Variants in VRK1 observed in about 807,000 individuals in gnomAD.
VRK1 encodes the protein serine/threonine-protein kinase VRK1.
In VRK1, 33 loss-of-function variants were observed where a neutral mutation model predicts 57.1. That is an observed-to-expected ratio of 0.58 (90% CI 0.44 to 0.77). VRK1 has a LOEUF of 0.77. Among genes scored for constraint, VRK1 ranks in the 30% least tolerant of loss-of-function variants. The pLI is 0.00. For synonymous variants in VRK1, 137 were observed against 147.8 expected (o/e 0.93, Z 0.53); for missense variants, 413 against 477.3 (o/e 0.87, Z 1.25).
intron 12 of VRK1, among the ~76,000 whole-genome samples, chr14:96,878,013 CT>C (rs1889111638): frequency 6.6e-6 from 1 of 152,036 alleles, no homozygotes; most frequent in African/African-American, 2.4e-5. Context: ...TTTGACCTAA[CT>C]TTTTCAGAAG....
At chr14:96,846,835 C>G (rs952551190) in intron 4 of VRK1, among the ~76,000 whole-genome samples, 2 of 151,504 alleles carry the variant, frequency 1.3e-5, no homozygotes, top group Admixed American at 1.3e-4. Flanking sequence ...TATAAGTAAT[C>G]TAGAGATGAG....
intron 1 of VRK1, among the ~76,000 whole-genome samples, chr14:96,811,923 TA>T (rs1449725072): frequency 2.0e-5 from 3 of 152,300 alleles, no homozygotes; most frequent in Admixed American, 2.0e-4. Context: ...TCATCAGTAC[TA>T]AAACCCCCTA....
At chr14:96,830,709 G>C (rs1346522255) in intron 1 of VRK1, among the ~76,000 whole-genome samples, 2 of 152,018 alleles carry the variant, frequency 1.3e-5, no homozygotes, top group African/African-American at 4.8e-5. Flanking sequence ...TTGTTGCTGA[G>C]TTTCGTATGC....
At chr14:96,866,605 G>A (rs1888596978) in intron 11 of VRK1, among the ~76,000 whole-genome samples, 1 of 152,132 alleles carries the variant, frequency 6.6e-6, no homozygotes, top group African/African-American at 2.4e-5. Flanking sequence ...CAAAATTACA[G>A]GTCCTGCTTT....
In VRK1 at chr14:96,853,174, TA is replaced by T; in HGVS notation, c.576+9del. On this transcript the variant is annotated intron_variant, in intron 7 of 12. Coordinates refer to ENST00000216639, the MANE Select transcript of VRK1 (RefSeq NM_003384.3). Reference sequence around the variant, plus strand: ...TACAAGAATCCTGACCAGGTAGTTTTATAACTTTAATTTCTACTATTTAAAG... The same window carrying T: ...TACAAGAATCCTGACCAGGTAGTTTTTAACTTTAATTTCTACTATTTAAAG... The T allele has an allele frequency of 6.2e-7, 1 of 1,609,976 alleles. No individual in the cohort carries two copies. Among genetic ancestry groups the T allele is most frequent in the Admixed American group, 1.7e-5 (1 of 60,014 alleles).
chr14:96,813,530 T>TA (rs1225375240), intron 1 of VRK1, among the ~76,000 whole-genome samples: 3 of 152,138 alleles, frequency 2.0e-5, no homozygotes, highest in East Asian at 1.9e-4. Flanking sequence ...GTTAGTATAT[T>TA]AAAAAAACAA....
Position 96,856,142 on chromosome 14 carries a change from G to T in VRK1, c.722G>T (p.Arg241Leu), listed in dbSNP as rs775747423. 1 of 1,613,512 alleles carries T rather than the reference G, an allele frequency of 6.2e-7. No homozygotes were observed. Among genetic ancestry groups the T allele is most frequent in the Non-Finnish European group, 8.5e-7 (1 of 1,179,784 alleles). ...CTTGCATTTGTAGCCCCATCAAGACGTGGTGATTTGGAAATACTTGGTTAT... is the reference window on the plus strand; with the variant it reads ...CTTGCATTTGTAGCCCCATCAAGACTTGGTGATTTGGAAATACTTGGTTAT... ...DAHNGVAPSRRGDLEILGYCM... is the reference protein window; with the variant it reads ...DAHNGVAPSRLGDLEILGYCM... The change falls in exon 9 of 13, where the codon CGT (arginine) becomes CTT (leucine). Residue 241 changes from arginine to leucine, a missense_variant. Coordinates refer to ENST00000216639, the MANE Select transcript of VRK1 (RefSeq NM_003384.3).
rs555020075 is a variant in VRK1, at chr14:96,839,084, GT to G, written c.216+1286del. Among the ~76,000 whole-genome samples, 209 of 112,386 alleles carry G rather than the reference GT, an allele frequency of 1.9e-3. 2 individuals are homozygous for G. The highest frequency in any genetic ancestry group is 3.0e-3 in the Admixed American group (33 of 11,004). 73.7% of individuals were successfully genotyped at this position (112,386 alleles called of 152,430 possible). ...CCTTGGAGGCAACCACTTGTCTTGA[GT>G]TTTTTTTTTTTTTTTTTTGCCGTGA... On this transcript the variant is annotated intron_variant, in intron 3 of 12. Coordinates refer to ENST00000216639, the MANE Select transcript of VRK1 (RefSeq NM_003384.3).
chr14:96,804,518 C>CAAGTGAAGGGAAGTAGAG (rs1214245543), intron 1 of VRK1, among the ~76,000 whole-genome samples: 1 of 151,968 alleles, frequency 6.6e-6, no homozygotes, highest in Admixed American at 6.6e-5. Flanking sequence ...GGGAGTCATG[C>CAAGTGAAGGGAAGTAGAG]AAGTGAAGGG....
chr14:96,877,443 C>T lies in VRK1; in HGVS notation c.1159+1323C>T. 6 of 1,251,308 alleles carry T rather than the reference C, an allele frequency of 4.8e-6. No individual in the cohort carries two copies. In the South Asian group the frequency reaches 7.5e-5, roughly 16 times the overall value. The allele number at this position is 1,251,308 out of a possible 1,614,324, so 77.5% of individuals were successfully genotyped here. A position where few individuals can be genotyped will look rare whatever the true frequency, so the allele number is the denominator to read the frequency against. ...GTCCCTCTCTTTTTCCCGCTGCTGT[C>T]TTCCTTTCGCTACTGTCTTTTTTCC... On this transcript the variant is annotated intron_variant, in intron 12 of 12. Transcript: ENST00000216639.
At chr14:96,801,247 CTAAGA>C (rs1345937406) in intron 1 of VRK1, among the ~76,000 whole-genome samples, 1 of 152,142 alleles carries the variant, frequency 6.6e-6, no homozygotes, top group Non-Finnish European at 1.5e-5. Flanking sequence ...TTAGACATAG[CTAAGA>C]TAACCACAGC....
At chr14:96,798,551 TTGTG>T (rs1008376663) in intron 1 of VRK1, among the ~76,000 whole-genome samples, 1 of 152,254 alleles carries the variant, frequency 6.6e-6, no homozygotes, top group Non-Finnish European at 1.5e-5. Flanking sequence ...TCATTAATTA[TTGTG>T]TGTGTGTTTT....
intron 1 of VRK1, among the ~76,000 whole-genome samples, chr14:96,807,756 A>C (rs965169473): frequency 2.0e-5 from 3 of 152,254 alleles, no homozygotes; most frequent in African/African-American, 7.2e-5. Flanking sequence ...ATGGGAGCTT[A>C]TGTTTGTCTT....
At chr14:96,872,467 T>A (rs1158799506) in intron 11 of VRK1, among the ~76,000 whole-genome samples, 2 of 152,170 alleles carry the variant, frequency 1.3e-5, no homozygotes, top group Non-Finnish European at 2.9e-5. Flanking sequence ...GAGGAGGTTA[T>A]GAAAATAGTT....
At chr14:96,815,781 C>T (rs1225150949) in intron 1 of VRK1, among the ~76,000 whole-genome samples, 8 of 151,630 alleles carry the variant, frequency 5.3e-5, no homozygotes, top group Admixed American at 2.6e-4. Flanking sequence ...GTCTGTAGTC[C>T]CAGCTGCTTG....
chr14:96,849,025 A>G (rs867600234), intron 5 of VRK1, among the ~76,000 whole-genome samples: 3 of 152,160 alleles, frequency 2.0e-5, no homozygotes, highest in East Asian at 1.9e-4. Flanking sequence ...GGAAGAGGGC[A>G]TGTGTGTAAG....
rs145030595 is a variant in VRK1 at position 96,810,936 on chromosome 14, T to C, written c.-6+13489T>C. 3.6e-3 allele frequency among the ~76,000 whole-genome samples: 554 copies of C among 151,828 alleles called. 5 individuals are homozygous for C. The highest frequency in any genetic ancestry group is 6.8e-3 in the Middle Eastern group (2 of 292). On this transcript the variant is annotated intron_variant, in intron 1 of 12. Coordinates refer to ENST00000216639, the MANE Select transcript of VRK1 (RefSeq NM_003384.3). The stretch of plus-strand genomic sequence containing the variant: ...TCCAAGATCACCTGTTCTTCTGATT[T>C]TTTTTTTTAATTTTTTTTTGAGATG...
At chr14:96,846,195 T>A in intron 4 of VRK1, 31 bp downstream of exon 4, 2 of 1,605,454 alleles carry the variant, frequency 1.2e-6, no homozygotes, top group Non-Finnish European at 1.7e-6. Flanking sequence ...ACGTTTACAC[T>A]TTTAAAATGA....
chr14:96,816,699 A>G (rs1886407183), intron 1 of VRK1, among the ~76,000 whole-genome samples: 1 of 152,176 alleles, frequency 6.6e-6, no homozygotes, highest in African/African-American at 2.4e-5. Context: ...AATACAAGGA[A>G]CAGATTAAGT....
Sources: gnomAD v4.1 joint callset for allele counts (sites outside exome capture counted in the v4.1 genomes callset) on GRCh38, gnomAD v4.1.1 for gene constraint, MANE v1.5 for transcripts, NCBI Gene and HGNC (gene_info 2026-07-23, HGNC 2026-07-21) for gene names.